The following PDXDC1 variants were observed in gnomAD, a reference collection of about 807,000 sequenced individuals.
PDXDC1 encodes pyridoxal-dependent decarboxylase domain-containing protein 1.
PDXDC1 carries 42 observed loss-of-function variants against 100.1 expected under a neutral mutation model. That is an observed-to-expected ratio of 0.42 (90% confidence interval 0.33 to 0.54). PDXDC1 has a LOEUF of 0.54. Ranked by LOEUF, PDXDC1 falls within the 20% of genes least tolerant of loss-of-function variation. The probability of loss-of-function intolerance (pLI) is 0.10; values close to 1 mark genes in which losing one functional copy is unlikely to be tolerated. For synonymous variants in PDXDC1, 260 were observed against 371.7 expected (o/e 0.70, Z 3.46); for missense variants, 636 against 979.2 (o/e 0.65, Z 4.68).
intron 3 of PDXDC1, among the ~76,000 whole-genome samples, chr16:14,998,685 C>T (rs1972523181): frequency 6.6e-6 from 1 of 152,288 alleles, no homozygotes; most frequent in Non-Finnish European, 1.5e-5. Flanking sequence ...CTGACCTTCA[C>T]CTCAGGTGAT....
intron 1 of PDXDC1, among the ~76,000 whole-genome samples, chr16:14,993,503 T>C (rs1455836753): frequency 6.6e-6 from 1 of 152,284 alleles, no homozygotes; most frequent in African/African-American, 2.4e-5. Context: ...TAGTATTCCA[T>C]GGTGTATATG....
chr16:15,102,054 G>C (rs908771364), intron 16 of PDXDC1, among the ~76,000 whole-genome samples: 14 of 152,124 alleles, frequency 9.2e-5, no homozygotes, highest in Non-Finnish European at 1.6e-4. Flanking sequence ...CGCCATGTTG[G>C]TCAGGCTGCT....
intron 16 of PDXDC1, among the ~76,000 whole-genome samples, chr16:15,064,024 A>G (rs1451901660): frequency 2.6e-5 from 4 of 152,242 alleles, no homozygotes; most frequent in Admixed American, 6.5e-5. Flanking sequence ...CCAAGACTTC[A>G]GGGACCAGAC....
At chr16:15,139,529 T>C (rs2048429932), downstream of PDXDC1, among the ~76,000 whole-genome samples, 1 of 138,742 alleles carries the variant, frequency 7.2e-6, no homozygotes, top group Non-Finnish European at 1.5e-5. Flanking sequence ...GGAAACTGGC[T>C]GTGGTGGCTT....
chr16:15,093,888 G>T, intron 16 of PDXDC1: 1 of 524,104 alleles, frequency 1.9e-6, no homozygotes, highest in Non-Finnish European at 3.3e-6. Context: ...CAGTACCCAG[G>T]CCTGGGAAAT....
intron 16 of PDXDC1, among the ~76,000 whole-genome samples, chr16:15,101,237 T>C (rs1187845555): frequency 1.3e-5 from 2 of 152,212 alleles, no homozygotes; most frequent in African/African-American, 2.4e-5. Flanking sequence ...ATATGAAATA[T>C]ACTAGGATAC....
chr16:14,992,176 A>G (rs1970998542), intron 1 of PDXDC1, among the ~76,000 whole-genome samples: 1 of 152,300 alleles, frequency 6.6e-6, no homozygotes, highest in Non-Finnish European at 1.5e-5. Context: ...CCCCATAAAT[A>G]CAACCAACAT....
the PDXDC1 span, among the ~76,000 whole-genome samples, chr16:15,147,706 T>G: frequency 6.6e-6 from 1 of 152,168 alleles, no homozygotes; most frequent in Admixed American, 6.5e-5. Context: ...TTTGTTTTTT[T>G]GAGACAGAGT....
In PDXDC1 at chr16:15,031,614, A is replaced by G. The variant is rs978725778; in HGVS notation, c.1400-121A>G. ...AGGGCCTTTTTTTGTTTAAATCTCC[A>G]TGGCTCCCGGTAACTGGAGTACCTC... On this transcript the variant is annotated intron_variant, in intron 16 of 22. Transcript: ENST00000396410. 23 of 773,230 alleles carry G rather than the reference A, an allele frequency of 3.0e-5. 1 individual carries two copies. The highest frequency in any genetic ancestry group is 4.0e-5 in the Non-Finnish European group (19 of 471,856). The allele number at this position is 773,230 out of a possible 1,614,324, so 47.9% of individuals were successfully genotyped here.
At chr16:15,079,855 C>A in intron 16 of PDXDC1, 1 of 950,126 alleles carries the variant, frequency 1.1e-6, no homozygotes, top group Non-Finnish European at 1.5e-6. Context: ...CCTCGGCCTC[C>A]CAAAGTGCTG....
chr16:15,124,853 C>G (rs1171024069), intron 16 of PDXDC1, among the ~76,000 whole-genome samples: 1 of 148,254 alleles, frequency 6.7e-6, no homozygotes. Flanking sequence ...CAGCCATGTT[C>G]CAGCCCTAGA....
At chr16:15,132,688 G>A (rs2048164119) in intron 16 of PDXDC1, 1 of 777,200 alleles carries the variant, frequency 1.3e-6, no homozygotes, top group Non-Finnish European at 2.2e-6. Context: ...TGGCAGGCAT[G>A]CGGGGCGGGG....
intron 16 of PDXDC1, chr16:15,131,213 C>T (rs1322621791): frequency 5.0e-6 from 8 of 1,590,190 alleles, no homozygotes; most frequent in Non-Finnish European, 4.3e-6. Flanking sequence ...CTGCGGTGGC[C>T]CCGGGCAGCC....
In PDXDC1 at chr16:15,028,893, C is replaced by T. The variant is rs1339653091; in HGVS notation, c.1220C>T (p.Ala407Val). Residue 407 changes from alanine to valine, a missense_variant, in exon 15 of 23, where the codon GCC becomes GTC. By Grantham distance (64) the Ala-to-Val change is moderately conservative. Coordinates refer to ENST00000396410, the MANE Select transcript of PDXDC1 (RefSeq NM_015027.4). ...ELPGSDPVFK[A>V]VPVPNMTPSG... ...TTGGTGTCAGATCCGGTGTTTAAAGCCGTCCCAGTGCCCAACATGACACCT... is the reference window on the plus strand; with the variant it reads ...TTGGTGTCAGATCCGGTGTTTAAAGTCGTCCCAGTGCCCAACATGACACCT... 5 of 1,613,748 alleles carry T rather than the reference C, an allele frequency of 3.1e-6. No homozygotes were observed. The African/African-American group carries it at 6.7e-5, about 22-fold the overall frequency.
intron 16 of PDXDC1, chr16:15,044,534 G>A (rs915265943): frequency 5.8e-6 from 4 of 688,560 alleles, no homozygotes; most frequent in Middle Eastern, 3.7e-4. Flanking sequence ...GGTCATCTTC[G>A]TGCCACCGCA....
At chr16:15,043,740 G>A (rs1374656934) in intron 16 of PDXDC1, among the ~76,000 whole-genome samples, 2 of 152,152 alleles carry the variant, frequency 1.3e-5, no homozygotes, top group Non-Finnish European at 2.9e-5. Context: ...ACCAGGTCGG[G>A]AGTTCACAAC....
chr16:15,038,402 T>G (rs970742563), downstream of PDXDC1: 10 of 624,400 alleles, frequency 1.6e-5, no homozygotes, highest in African/African-American at 3.7e-5. Context: ...CATCTAGGAC[T>G]TGACATATCC....
chr16:14,990,255 G>C lies in PDXDC1; in HGVS notation c.22-7498G>C, dbSNP rs1353278901. On this transcript the variant is annotated intron_variant, in intron 1 of 22. Transcript: ENST00000396410. ...CGCCCGTGCCTCACTGCCCGGCCCA[G>C]ACCGCGGCGCCCACCCCGGCCCCCG... The C allele has an allele frequency of 2.0e-3, 1,247 of 638,500 alleles. 16 individuals are homozygous for C. The African/African-American group carries it at 0.024, about 12-fold the overall frequency. The allele number at this position is 638,500 out of a possible 1,614,324, so 39.6% of individuals were successfully genotyped here.
chr16:15,075,978 T>C (rs1427081818), intron 16 of PDXDC1, among the ~76,000 whole-genome samples: 2 of 152,080 alleles, frequency 1.3e-5, no homozygotes, highest in Non-Finnish European at 2.9e-5. Context: ...TGACAAGGCA[T>C]CAGAAAAGGA....
Sources: allele counts gnomAD v4.1 joint callset (sites outside exome capture counted in the v4.1 genomes callset), GRCh38; gene constraint gnomAD v4.1.1; transcripts MANE v1.5; gene names NCBI Gene and HGNC (gene_info 2026-07-23, HGNC 2026-07-21).